The following CSMD1 variants were observed in gnomAD, a reference collection of about 807,000 sequenced individuals.
CSMD1 encodes CUB and Sushi multiple domains 1.
A neutral mutation model predicts 417.5 loss-of-function variants in CSMD1; 213 were observed. The observed-to-expected ratio is 0.51, with a 90% confidence interval of 0.46 to 0.57. CSMD1 has a LOEUF of 0.57. Ranked by LOEUF, CSMD1 falls within the 20% of genes least tolerant of loss-of-function variation. The pLI, the probability that CSMD1 is intolerant of heterozygous loss-of-function variation, is 0.00. For missense variants in CSMD1, 6,923 were observed against 4,529.7 expected (o/e 1.53, Z -15.17); for synonymous variants, 2,862 against 1,736.8 (o/e 1.65, Z -16.11).
At chr8:4,637,603 C>A in intron 1 of CSMD1, 45 bp from the exon 2 acceptor site, 4 of 1,079,210 alleles carry the variant, frequency 3.7e-6, no homozygotes, top group Non-Finnish European at 3.9e-6. Flanking sequence ...TTCTGGCCAT[C>A]TTTAATCTGT....
At chr8:3,496,010 A>G (rs1796349272) in intron 10 of CSMD1, among the ~76,000 whole-genome samples, 1 of 152,132 alleles carries the variant, frequency 6.6e-6, no homozygotes, top group Non-Finnish European at 1.5e-5. Context: ...CCCATCACCT[A>G]GGTATTAAGC....
intron 1 of CSMD1, among the ~76,000 whole-genome samples, chr8:4,685,528 A>G (rs547539716): frequency 1.3e-5 from 2 of 152,002 alleles, no homozygotes; most frequent in Non-Finnish European, 2.9e-5. Context: ...GTGAGTCGAG[A>G]TCACACCACT....
chr8:3,071,530 A>C (rs1813322722), intron 49 of CSMD1, among the ~76,000 whole-genome samples: 2 of 152,176 alleles, frequency 1.3e-5, no homozygotes, highest in Non-Finnish European at 2.9e-5. Flanking sequence ...TAAAATGATA[A>C]AATGTATGTC....
chr8:3,165,716 T>C (rs1046890693), intron 37 of CSMD1, among the ~76,000 whole-genome samples: 4 of 151,976 alleles, frequency 2.6e-5, no homozygotes, highest in African/African-American at 9.7e-5. Flanking sequence ...AACGGTGGTT[T>C]TTTGTTGGTA....
chr8:3,629,527 T>G (rs1196301336), intron 7 of CSMD1, among the ~76,000 whole-genome samples: 1 of 152,168 alleles, frequency 6.6e-6, no homozygotes, highest in African/African-American at 2.4e-5. Flanking sequence ...ACAGCAAATA[T>G]CAGCTCCTCA....
intron 3 of CSMD1, among the ~76,000 whole-genome samples, chr8:4,285,205 A>C (rs566620200): frequency 2.0e-5 from 3 of 152,342 alleles, no homozygotes; most frequent in Admixed American, 6.5e-5. Context: ...AGTGTGTTAA[A>C]ATTCAAACTG....
intron 2 of CSMD1, among the ~76,000 whole-genome samples, chr8:4,634,985 C>T (rs1802738434): frequency 6.6e-6 from 1 of 152,156 alleles, no homozygotes; most frequent in Non-Finnish European, 1.5e-5. Flanking sequence ...CTCAAAATGG[C>T]ATTCTACGTA....
chr8:4,820,930 T>G (rs1456002688), intron 1 of CSMD1, among the ~76,000 whole-genome samples: 1 of 152,208 alleles, frequency 6.6e-6, no homozygotes, highest in Non-Finnish European at 1.5e-5. Flanking sequence ...ATCTTCATGT[T>G]GCTTCCATCT....
At chr8:3,249,467 G>A (rs1035220807) in intron 26 of CSMD1, among the ~76,000 whole-genome samples, 6 of 152,148 alleles carry the variant, frequency 3.9e-5, no homozygotes, top group Admixed American at 6.6e-5. Context: ...TGGGTGATCC[G>A]CCCACCTTGG....
intron 49 of CSMD1, among the ~76,000 whole-genome samples, chr8:3,073,214 A>C (rs1220454577): frequency 6.6e-6 from 1 of 152,244 alleles, no homozygotes; most frequent in Non-Finnish European, 1.5e-5. Flanking sequence ...CAATTAAAGC[A>C]CTATGGACTT....
chr8:3,453,947 A>G (rs1452099106), intron 12 of CSMD1, among the ~76,000 whole-genome samples: 1 of 152,136 alleles, frequency 6.6e-6, no homozygotes, highest in African/African-American at 2.4e-5. Flanking sequence ...GTGGGACTCT[A>G]AGTCTCTTTG....
chr8:4,640,244 T>C (rs1340335789), intron 1 of CSMD1, among the ~76,000 whole-genome samples: 1 of 152,232 alleles, frequency 6.6e-6, no homozygotes, highest in Non-Finnish European at 1.5e-5. Flanking sequence ...TTAGAAATTT[T>C]GGCAACTGCT....
intron 7 of CSMD1, among the ~76,000 whole-genome samples, chr8:3,658,145 C>T (rs1798223765): frequency 6.6e-6 from 1 of 152,070 alleles, no homozygotes; most frequent in Admixed American, 6.6e-5. Flanking sequence ...ACTTCAGCAG[C>T]TTATCTCTCT....
rs766222286 is a variant in CSMD1, at chr8:4,965,182, T to C, written c.85+29150A>G. On this transcript the variant is annotated intron_variant, in intron 1 of 69. Transcript: ENST00000635120. The stretch of plus-strand genomic sequence containing the variant: ...ATACAGATATCATGAGTTATGTATC[T>C]AAGAAAACACACATGAAGGGCCTCT... Among the ~76,000 whole-genome samples the C allele has an allele frequency of 3.3e-5, 5 of 152,194 alleles. 1 individual carries two copies. Among genetic ancestry groups the C allele is most frequent in the Non-Finnish European group, 7.4e-5 (5 of 68,022 alleles).
chr8:3,016,937 G>T (rs565747644), intron 52 of CSMD1, among the ~76,000 whole-genome samples: 95 of 152,196 alleles, frequency 6.2e-4, no homozygotes, highest in African/African-American at 2.2e-3. Context: ...AATAACACAA[G>T]ATAGATAAAG....
At chr8:3,253,368 G>T (rs1219132449) in intron 26 of CSMD1, among the ~76,000 whole-genome samples, 1 of 152,066 alleles carries the variant, frequency 6.6e-6, no homozygotes, top group Non-Finnish European at 1.5e-5. Context: ...CTGAGTTCTG[G>T]TTTGATTGCA....
chr8:4,285,495 AT>A (rs1234362847), intron 3 of CSMD1, among the ~76,000 whole-genome samples: 1 of 152,210 alleles, frequency 6.6e-6, no homozygotes, highest in Admixed American at 6.5e-5. Context: ...TTTTCCAAAT[AT>A]AAAGAGGATG....
chr8:3,925,479 C>T (rs531532866), intron 5 of CSMD1, among the ~76,000 whole-genome samples: 4 of 152,110 alleles, frequency 2.6e-5, no homozygotes, highest in African/African-American at 9.7e-5. Flanking sequence ...GTTCATAATG[C>T]TGGGTGGTAA....
intron 1 of CSMD1, among the ~76,000 whole-genome samples, chr8:4,829,737 CA>C (rs11290763): frequency 0.66 from 72,792 of 110,038 alleles, 21,949 homozygotes; most frequent in Non-Finnish European, 0.68. Context: ...GACCCTGTCT[CA>C]AAAAAAAAAA....
Sources: gnomAD v4.1 joint callset for allele counts (sites outside exome capture counted in the v4.1 genomes callset) on GRCh38, gnomAD v4.1.1 for gene constraint, MANE v1.5 for transcripts, NCBI Gene and HGNC (gene_info 2026-07-23, HGNC 2026-07-21) for gene names.